OXA1L: variants seen among roughly 807,000 people sequenced by gnomAD.
The protein encoded by OXA1L is OXA1L mitochondrial inner membrane insertase.
In OXA1L, 42 loss-of-function variants were observed where a neutral mutation model predicts 52.2. The ratio of observed to expected loss-of-function variants is 0.80; its 90% CI spans 0.63 to 1.04. OXA1L has a LOEUF of 1.04. Ranked by LOEUF, OXA1L falls within the 50% of genes least tolerant of loss-of-function variation. The pLI, the probability that OXA1L is intolerant of heterozygous loss-of-function variation, is 0.00. For synonymous variants in OXA1L, 239 were observed against 201.9 expected (o/e 1.18, Z -1.56); for missense variants, 572 against 555.0 (o/e 1.03, Z -0.31).
rs540487063 is a variant in OXA1L at position 22,770,318 on chromosome 14, C to A, written c.669+40C>A. The A allele has an allele frequency of 1.9e-4, 283 of 1,522,558 alleles. 3 individuals carry two copies. The South Asian group carries it at 3.0e-3, about 16-fold the overall frequency. 94.3% of individuals were successfully genotyped at this position (1,522,558 alleles called of 1,614,324 possible). On this transcript the variant is annotated intron_variant, in intron 5 of 9. Coordinates refer to ENST00000612549, the MANE Select transcript of OXA1L (RefSeq NM_005015.5). ...TTCCTTCCTTATTTCATCCAGTACC[C>A]ATGAAATTTCCTCTCTGTGTTTCAT... is the stretch of plus-strand genomic sequence containing the variant.
rs1385926094 is a variant in OXA1L, at chr14:22,772,341, T to C, written c.*783T>C. On this transcript the variant is annotated 3_prime_UTR_variant, in exon 10 of 10. Transcript: ENST00000612549. The stretch of plus-strand genomic sequence containing the variant: ...CTACTAAAAAAAAAAAAAAAAAAAT[T>C]AGCCGGGCATGGCGGCGGGTGCCTG... 7.2e-6 allele frequency: 1 copy of C among 139,614 alleles called. No homozygotes were observed. The highest frequency in any genetic ancestry group is 7.2e-5 in the Admixed American group (1 of 13,902). The allele number at this position is 139,614 out of a possible 1,614,324, so 8.6% of individuals were successfully genotyped here. A position where few individuals can be genotyped will look rare whatever the true frequency, so the allele number is the denominator to read the frequency against.
In OXA1L at chr14:22,773,016, G is replaced by A; in HGVS notation, c.*1458G>A. The A allele has an allele frequency of 3.9e-6, 1 of 259,550 alleles. No individual in the cohort carries two copies. Among genetic ancestry groups the A allele is most frequent in the East Asian group, 1.0e-4 (1 of 9,890 alleles). 16.1% of individuals were successfully genotyped at this position (259,550 alleles called of 1,614,324 possible). On this transcript the variant is annotated 3_prime_UTR_variant, in exon 10 of 10. Coordinates refer to ENST00000612549, the MANE Select transcript of OXA1L (RefSeq NM_005015.5). ...AAAAGGAAGTTCATGTCATTTTTAT[G>A]TAACAATCCAACATTTGACTAGAGC...
rs769934875 is a variant in OXA1L, at chr14:22,771,107, AATCCCCCAGCGTGT to A, written c.1030_1043del (p.Ile344CysfsTer3). On this transcript the variant is annotated frameshift_variant, in exon 8 of 10. Transcript: ENST00000612549. LOFTEE classifies it high-confidence loss of function. ...TTCCAGCAGTACGCACTGTACTTAAAATCCCCCAGCGTGTTGTACATGACCTGGACAAATTACCT... is the reference window on the plus strand; with the variant it reads ...TTCCAGCAGTACGCACTGTACTTAAATGTACATGACCTGGACAAATTACCT... 2 of 1,614,020 alleles carry A rather than the reference AATCCCCCAGCGTGT, an allele frequency of 1.2e-6. No individual in the cohort carries two copies. Among genetic ancestry groups the A allele is most frequent in the African/African-American group, 2.7e-5 (2 of 74,908 alleles).
rs2038422982 is a variant in OXA1L at position 22,767,885 on chromosome 14, T to G, written c.226-73T>G. 5 of 1,179,618 alleles carry G rather than the reference T, an allele frequency of 4.2e-6. No homozygotes were observed. In the South Asian group the frequency reaches 7.1e-5, roughly 17 times the overall value. 73.1% of individuals were successfully genotyped at this position (1,179,618 alleles called of 1,614,324 possible). ...TAGAGAGAACAGAACCCAGTACTGG[T>G]TATTATAAAAAGATCTCACTTGCTT... On this transcript the variant is annotated intron_variant, in intron 2 of 9. Coordinates refer to ENST00000612549, the MANE Select transcript of OXA1L (RefSeq NM_005015.5).
rs747958410 is a variant in OXA1L, at chr14:22,771,658, G to A, written c.*100G>A. On this transcript the variant is annotated 3_prime_UTR_variant, in exon 10 of 10. Transcript: ENST00000612549. The stretch of plus-strand genomic sequence containing the variant: ...TGTCCTTGCCCCAGTCCTAGGAACT[G>A]TGGCACACAGAGATGTTCATTTTAA... 55 of 1,216,746 alleles carry A rather than the reference G, an allele frequency of 4.5e-5. No homozygotes were observed. The highest frequency in any genetic ancestry group is 6.2e-5 in the Non-Finnish European group (52 of 835,390). 75.4% of individuals were successfully genotyped at this position (1,216,746 alleles called of 1,614,324 possible).
intron 1 of OXA1L, 73 bp from the exon 2 acceptor site, chr14:22,767,175 T>G (rs748387306): frequency 5.0e-5 from 78 of 1,559,858 alleles, no homozygotes; most frequent in Admixed American, 3.1e-4. Flanking sequence ...GTTAGCATAA[T>G]GAATCCCGTT....
In OXA1L at chr14:22,772,896, G is replaced by A. The variant is rs1459163967; in HGVS notation, c.*1338G>A. The A allele has an allele frequency of 2.9e-5, 5 of 169,916 alleles. No individual in the cohort carries two copies. Among genetic ancestry groups the A allele is most frequent in the African/African-American group, 1.2e-4 (5 of 41,558 alleles). The allele number at this position is 169,916 out of a possible 1,614,324, so 10.5% of individuals were successfully genotyped here. ...TCCCAGCTACCTGGGAGGCTGAGGT[G>A]GGAGGATAGCTTAAGCCCAGGAGGT... On this transcript the variant is annotated 3_prime_UTR_variant, in exon 10 of 10. Coordinates refer to ENST00000612549, the MANE Select transcript of OXA1L (RefSeq NM_005015.5).
In OXA1L at chr14:22,772,507, A is replaced by AAAAAAAAAC. The variant is rs2038487850; in HGVS notation, c.*957_*958insCAAAAAAAA. On this transcript the variant is annotated 3_prime_UTR_variant, in exon 10 of 10. Coordinates refer to ENST00000612549, the MANE Select transcript of OXA1L (RefSeq NM_005015.5). ...CCTTCTCAAAAAAAAAAAAAAAAAA[A>AAAAAAAAAC]AAAAAAAAAAAACAGTTTAAACTTC... is the stretch of plus-strand genomic sequence containing the variant. 9.6e-6 allele frequency: 1 copy of AAAAAAAAAC among 103,806 alleles called. No individual in the cohort carries two copies. Among genetic ancestry groups the AAAAAAAAAC allele is most frequent in the African/African-American group, 3.2e-5 (1 of 31,084 alleles). The allele number at this position is 103,806 out of a possible 1,614,324, so 6.4% of individuals were successfully genotyped here.
At chr14:22,766,887 A>G in intron 1 of OXA1L, 123 bp downstream of exon 1, 6 of 1,543,828 alleles carry the variant, frequency 3.9e-6, no homozygotes, top group Non-Finnish European at 5.2e-6. Context: ...GAATGTCATG[A>G]CCTCGGGTCA....
At chr14:22,768,781 G>A (rs2038432391) in intron 3 of OXA1L, 1 of 154,194 alleles carries the variant, frequency 6.5e-6, no homozygotes, top group African/African-American at 2.4e-5. Context: ...CCTAGTAGGT[G>A]TATATATTTA....
At chr14:22,770,311 C>A in intron 5 of OXA1L, 33 bp downstream of exon 5, 2 of 1,532,058 alleles carry the variant, frequency 1.3e-6, no homozygotes, top group Non-Finnish European at 1.8e-6. Context: ...TTATTTCATC[C>A]AGTACCCATG....
At position 22,772,454 on chromosome 14, in the gene OXA1L, A is replaced by G. The variant is rs79085612; in HGVS notation, c.*896A>G. On this transcript the variant is annotated 3_prime_UTR_variant, in exon 10 of 10. Transcript: ENST00000612549. ...CAGTGAGCCGAGATTGCGCCACTGC[A>G]CTCCAGCCTGGGCAAGAGAGTGAGA... The G allele has an allele frequency of 2.2e-5, 3 of 134,754 alleles. No individual in the cohort carries two copies. Among genetic ancestry groups the G allele is most frequent in the East Asian group, 2.4e-4 (1 of 4,168 alleles). The allele number at this position is 134,754 out of a possible 1,614,324, so 8.3% of individuals were successfully genotyped here.
chr14:22,768,221 G>C, intron 3 of OXA1L, 50 bp downstream of exon 3: 2 of 1,434,088 alleles, frequency 1.4e-6, no homozygotes, highest in Non-Finnish European at 2.0e-6. Context: ...CCTCATAGAT[G>C]GCAATTCTTT....
chr14:22,769,719 A>T, intron 3 of OXA1L, 72 bp from the exon 4 acceptor site: 2 of 1,502,610 alleles, frequency 1.3e-6, no homozygotes, highest in Non-Finnish European at 1.8e-6. Flanking sequence ...TTCAGTAAGG[A>T]CCTAAAAGCC....
Position 22,768,142 on chromosome 14 carries a change from G to T in OXA1L, c.410G>T (p.Gly137Val). 2 of 1,614,130 alleles carry T rather than the reference G, an allele frequency of 1.2e-6. No homozygotes were observed. Among genetic ancestry groups the T allele is most frequent in the South Asian group, 2.2e-5 (2 of 91,078 alleles). The change falls in exon 3 of 10, where the codon GGC (glycine) becomes GTC (valine). Residue 137 changes from glycine to valine, a missense_variant. Gly to Val is a moderately radical substitution (Grantham distance 109). Transcript: ENST00000612549. ...NLLEFMHVDL[G>V]LPWWGAIAAC... ...CTGGAATTTATGCATGTTGATCTGG[G>T]CCTACCTTGGTGGGGGGCCATTGCT...
chr14:22,770,391 T>C, intron 5 of OXA1L, 70 bp from the exon 6 acceptor site: 1 of 1,580,990 alleles, frequency 6.3e-7, no homozygotes, highest in South Asian at 1.1e-5. Flanking sequence ...TATACATGGC[T>C]TTCAGTAGTG....
chr14:22,770,979 G>A (rs750769560), intron 7 of OXA1L, 39 bp from the exon 8 acceptor site: 1 of 1,613,216 alleles, frequency 6.2e-7, no homozygotes, highest in African/African-American at 1.3e-5. Flanking sequence ...GCTGACCAGG[G>A]ATACAGCTTC....
In OXA1L at chr14:22,772,754, TG is replaced by T. The variant is rs1379158941; in HGVS notation, c.*1199del. On this transcript the variant is annotated 3_prime_UTR_variant, in exon 10 of 10. Transcript: ENST00000612549. ...GCTCACACCTATAATCTCAGCACTT[TG>T]GGAGGCTGAGGTGGGTAGATCACTT... 6.5e-6 allele frequency: 1 copy of T among 153,900 alleles called. No individual in the cohort carries two copies. Among genetic ancestry groups the T allele is most frequent in the Non-Finnish European group, 1.4e-5 (1 of 69,242 alleles). 9.5% of individuals were successfully genotyped at this position (153,900 alleles called of 1,614,324 possible).
Position 22,767,278 on chromosome 14 carries a change from C to A in OXA1L, c.94C>A (p.Leu32Ile). ...CAGCGTCGCAGGGCCCTCGCAATGG[C>A]TTGGGAAACCGCTGACCACACGGCT... ...VHSVAGPSQW[L>I]GKPLTTRLLF... The change falls in exon 2 of 10, where the codon CTT (leucine) becomes ATT (isoleucine). Residue 32 changes from leucine (L) to isoleucine (I), a missense_variant. Coordinates refer to ENST00000612549, the MANE Select transcript of OXA1L (RefSeq NM_005015.5). 1.2e-6 allele frequency: 2 copies of A among 1,612,460 alleles called. No homozygotes were observed. The highest frequency in any genetic ancestry group is 1.7e-6 in the Non-Finnish European group (2 of 1,179,464).
Sources: gnomAD v4.1 joint callset for allele counts on GRCh38, gnomAD v4.1.1 for gene constraint, MANE v1.5 for transcripts, NCBI Gene and HGNC (gene_info 2026-07-23, HGNC 2026-07-21) for gene names.